AK8: variants seen among roughly 807,000 people sequenced by gnomAD.
AK8 encodes the protein ATP-AMP transphosphorylase 8.
A neutral mutation model predicts 54.6 loss-of-function variants in AK8; 44 were observed. The observed-to-expected ratio is 0.81, with a 90% confidence interval of 0.63 to 1.04. AK8 has a LOEUF of 1.04. Among genes scored for constraint, AK8 ranks in the 50% least tolerant of loss-of-function variants. AK8 has a pLI of 0.00. For missense variants in AK8, 555 were observed against 613.6 expected (o/e 0.90, Z 1.01); for synonymous variants, 239 against 245.6 (o/e 0.97, Z 0.25).
At chr9:132,789,123 G>A (rs1052882997) in intron 11 of AK8, among the ~76,000 whole-genome samples, 50 of 151,928 alleles carry the variant, frequency 3.3e-4, no homozygotes, top group Admixed American at 1.4e-3. Context: ...GTGAAACCCC[G>A]TCTCTACTAA....
rs185328430 is a variant in AK8 at position 132,757,913 on chromosome 9, C to T, written c.1122-30379G>A. Among the ~76,000 whole-genome samples, 36 of 152,334 alleles carry T rather than the reference C, an allele frequency of 2.4e-4. No individual in the cohort carries two copies. In the East Asian group the frequency reaches 6.6e-3, roughly 28 times the overall value. The stretch of plus-strand genomic sequence containing the variant: ...TTCATGATGATAAACACTTCCACAG[C>T]TTGAGCACGAGGAGGGCAATTCCAC... On this transcript the variant is annotated intron_variant, in intron 11 of 12. Coordinates refer to ENST00000298545, the MANE Select transcript of AK8 (RefSeq NM_152572.3).
intron 2 of AK8, chr9:132,874,323 C>G (rs1034590029): frequency 7.2e-5 from 11 of 152,384 alleles, no homozygotes; most frequent in Middle Eastern, 3.4e-3. Flanking sequence ...TTTTAACTAC[C>G]TAGTGTCATT....
intron 2 of AK8, among the ~76,000 whole-genome samples, chr9:132,867,739 T>C (rs1843663256): frequency 6.6e-6 from 1 of 152,156 alleles, no homozygotes; most frequent in African/African-American, 2.4e-5. Context: ...TCTAGGCCTG[T>C]AACCTGGGGC....
intron 5 of AK8, among the ~76,000 whole-genome samples, chr9:132,829,327 T>C (rs1226157588): frequency 6.6e-6 from 1 of 152,130 alleles, no homozygotes; most frequent in Non-Finnish European, 1.5e-5. Flanking sequence ...CAGCTCCTCA[T>C]TGTCCACATT....
intron 11 of AK8, among the ~76,000 whole-genome samples, chr9:132,766,230 G>T (rs988889065): frequency 1.3e-5 from 2 of 152,128 alleles, no homozygotes; most frequent in South Asian, 4.1e-4. Flanking sequence ...TCCCACCTCA[G>T]CCTCCTGAGT....
intron 11 of AK8, among the ~76,000 whole-genome samples, chr9:132,737,378 ACT>A (rs1264513056): frequency 6.6e-6 from 1 of 152,230 alleles, no homozygotes; most frequent in Non-Finnish European, 1.5e-5. Context: ...AGGAAGGAAT[ACT>A]GATTTTATTC....
chr9:132,769,048 CA>C (rs554851604), intron 11 of AK8: 15 of 119,154 alleles, frequency 1.3e-4, no homozygotes, highest in Non-Finnish European at 2.4e-4. Flanking sequence ...GGAGGAGGGC[CA>C]GGGGCAAGTA....
intron 11 of AK8, among the ~76,000 whole-genome samples, chr9:132,731,468 C>A (rs566653800): frequency 6.6e-6 from 1 of 152,204 alleles, no homozygotes; most frequent in Non-Finnish European, 1.5e-5. Flanking sequence ...AGTGTTGGCA[C>A]ACCCTGTGTA....
intron 3 of AK8, among the ~76,000 whole-genome samples, chr9:132,866,400 G>A (rs767343587): frequency 2.6e-5 from 4 of 152,172 alleles, no homozygotes; most frequent in Non-Finnish European, 5.9e-5. Context: ...AACAAACAAA[G>A]CAAATATGGC....
intron 9 of AK8, among the ~76,000 whole-genome samples, chr9:132,818,850 A>T (rs1588167110): frequency 6.9e-6 from 1 of 144,636 alleles, no homozygotes; most frequent in African/African-American, 2.5e-5. Flanking sequence ...CCCGTCTCTT[A>T]AAAAAAAAAA....
At chr9:132,829,040 T>C (rs1391239141) in intron 5 of AK8, among the ~76,000 whole-genome samples, 2 of 151,586 alleles carry the variant, frequency 1.3e-5, no homozygotes, top group African/African-American at 4.8e-5. Flanking sequence ...CACTGCAACC[T>C]CCGCCTCCTG....
At chr9:132,845,867 T>C (rs936600058) in intron 5 of AK8, among the ~76,000 whole-genome samples, 3 of 151,294 alleles carry the variant, frequency 2.0e-5, no homozygotes, top group Non-Finnish European at 4.4e-5. Context: ...CACCATATTT[T>C]CCCCAGAAAC....
chr9:132,870,631 A>G (rs928804038), intron 2 of AK8, among the ~76,000 whole-genome samples: 3 of 152,280 alleles, frequency 2.0e-5, no homozygotes, highest in African/African-American at 7.2e-5. Context: ...CTGCCAGCCC[A>G]AGTGCCGGGG....
intron 1 of AK8, among the ~76,000 whole-genome samples, chr9:132,877,548 G>A (rs975931983): frequency 1.3e-5 from 2 of 152,200 alleles, no homozygotes; most frequent in Non-Finnish European, 2.9e-5. Context: ...GGAAAACTGG[G>A]GCCCTGGCGG....
chr9:132,877,676 G>A (rs1052280307), intron 1 of AK8: 9 of 367,120 alleles, frequency 2.5e-5, no homozygotes, highest in South Asian at 1.2e-4. Flanking sequence ...GACCAAGGTG[G>A]GAGATGCTGC....
chr9:132,800,472 G>T (rs954452356), intron 10 of AK8, among the ~76,000 whole-genome samples: 12 of 152,188 alleles, frequency 7.9e-5, no homozygotes, highest in Admixed American at 2.0e-4. Flanking sequence ...GGAGGGTAAG[G>T]CCACTGGATC....
chr9:132,784,870 T>C (rs957820170), intron 11 of AK8, among the ~76,000 whole-genome samples: 1 of 152,182 alleles, frequency 6.6e-6, no homozygotes, highest in African/African-American at 2.4e-5. Flanking sequence ...GGTGTTGAAA[T>C]CTTAATCCAG....
At chr9:132,867,065 G>T in intron 2 of AK8, 112 bp from the exon 3 acceptor site, 2 of 1,015,350 alleles carry the variant, frequency 2.0e-6, no homozygotes, top group Non-Finnish European at 3.1e-6. Context: ...TTTTCTGCCA[G>T]TGACACGGCC....
At chr9:132,853,878 C>T (rs945247261) in intron 5 of AK8, among the ~76,000 whole-genome samples, 6 of 150,734 alleles carry the variant, frequency 4.0e-5, no homozygotes, top group Non-Finnish European at 5.9e-5. Flanking sequence ...ATTAGCATGG[C>T]CCCTTAAAAA....
Sources: gnomAD v4.1 joint callset for allele counts (sites outside exome capture counted in the v4.1 genomes callset) on GRCh38, gnomAD v4.1.1 for gene constraint, MANE v1.5 for transcripts, NCBI Gene and HGNC (gene_info 2026-07-23, HGNC 2026-07-21) for gene names.